The following DOCK10 variants were observed in gnomAD, a reference collection of about 807,000 sequenced individuals.
DOCK10 encodes the protein dedicator of cytokinesis 10.
Under a neutral mutation model 280.1 loss-of-function variants are expected in DOCK10, and 145 were observed. That is an observed-to-expected ratio of 0.52 (90% CI 0.45 to 0.59). The LOEUF is 0.59. DOCK10 is among the 20% of genes least tolerant of loss of function. The pLI, the probability that DOCK10 is intolerant of heterozygous loss-of-function variation, is 0.00. For missense variants in DOCK10, 2,368 were observed against 2,651.7 expected, an observed-to-expected ratio of 0.89 and a Z score of 2.35; for synonymous variants, 915 against 942.2, an observed-to-expected ratio of 0.97 and a Z score of 0.53.
intron 15 of DOCK10, 58 bp from the exon 16 acceptor site, chr2:224,855,100 C>CACAG (rs1226542430): frequency 2.5e-6 from 3 of 1,186,040 alleles, no homozygotes; most frequent in Middle Eastern, 1.9e-4. Context: ...CACACACACA[C>CACAG]AGAGTATTAT....
intron 53 of DOCK10, among the ~76,000 whole-genome samples, chr2:224,772,907 A>T (rs974765507): frequency 2.0e-5 from 3 of 152,244 alleles, no homozygotes; most frequent in Non-Finnish European, 4.4e-5. Context: ...TATCCATAGA[A>T]GATGGGATAG....
intron 30 of DOCK10, among the ~76,000 whole-genome samples, 182 bp from the exon 31 acceptor site, chr2:224,814,546 G>A (rs1559473034): frequency 6.6e-6 from 1 of 151,902 alleles, no homozygotes; most frequent in Non-Finnish European, 1.5e-5. Context: ...TTTTGAAACA[G>A]AATCTGGCTC....
intron 28 of DOCK10, among the ~76,000 whole-genome samples, chr2:224,822,478 T>C (rs1294910336): frequency 2.0e-5 from 3 of 152,200 alleles, no homozygotes; most frequent in Non-Finnish European, 4.4e-5. Flanking sequence ...CTCACACCTG[T>C]CATCCCAGCA....
intron 1 of DOCK10, among the ~76,000 whole-genome samples, chr2:224,957,050 G>A (rs1704079663): frequency 1.3e-5 from 2 of 152,082 alleles, no homozygotes; most frequent in Admixed American, 6.5e-5. Flanking sequence ...TTGACATCTT[G>A]GATCTGATCA....
intron 1 of DOCK10, among the ~76,000 whole-genome samples, chr2:224,939,506 A>G (rs1332857163): frequency 6.6e-6 from 1 of 152,242 alleles, no homozygotes; most frequent in Admixed American, 6.5e-5. Context: ...ATATCCAAGA[A>G]GATCTAAATC....
Position 224,897,316 on chromosome 2 carries a change from A to G in DOCK10, c.334-939T>C, listed in dbSNP as rs1169244288. Among the ~76,000 whole-genome samples, 3 of 152,162 alleles carry G rather than the reference A, an allele frequency of 2.0e-5. No individual in the cohort carries two copies. In the East Asian group the frequency reaches 5.8e-4, roughly 29 times the overall value. On this transcript the variant is annotated intron_variant, in intron 3 of 55. Coordinates refer to ENST00000258390, the MANE Select transcript of DOCK10 (RefSeq NM_014689.3). The stretch of plus-strand genomic sequence containing the variant: ...TGTATATATTTACAGGGTACATGAG[A>G]TGGTTTGATACAGGCATGTAATGTG...
chr2:224,875,127 G>C (rs932876524), intron 8 of DOCK10, among the ~76,000 whole-genome samples: 1 of 152,132 alleles, frequency 6.6e-6, no homozygotes, highest in Non-Finnish European at 1.5e-5. Flanking sequence ...CCACCTTCTT[G>C]CTTCAGCTAC....
chr2:224,837,898 T>C (rs1695699980), intron 24 of DOCK10, 67 bp from the exon 25 acceptor site: 1 of 1,206,798 alleles, frequency 8.3e-7, no homozygotes, highest in African/African-American at 1.5e-5. Flanking sequence ...TAGTTTGTCA[T>C]TACAGTGCTT....
intron 3 of DOCK10, among the ~76,000 whole-genome samples, chr2:224,910,651 T>G (rs758360732): frequency 2.0e-5 from 3 of 152,228 alleles, no homozygotes; most frequent in Admixed American, 6.5e-5. Context: ...CAATAAAGGT[T>G]AGCTGCTATT....
intron 53 of DOCK10, among the ~76,000 whole-genome samples, chr2:224,772,480 A>G (rs961807860): frequency 1.3e-5 from 2 of 152,104 alleles, no homozygotes; most frequent in Non-Finnish European, 1.5e-5. Context: ...AAGCCTCCCT[A>G]TCGCTAGCTG....
At chr2:224,919,775 C>T (rs35393036) in intron 2 of DOCK10, among the ~76,000 whole-genome samples, 86,564 of 151,806 alleles carry the variant, frequency 0.57, 25,424 homozygotes, top group Non-Finnish European at 0.64. Flanking sequence ...AGGAAGAATG[C>T]CATGTAGATT....
chr2:224,919,086 A>T (rs1701529102), intron 2 of DOCK10, among the ~76,000 whole-genome samples: 4 of 117,548 alleles, frequency 3.4e-5, no homozygotes, highest in African/African-American at 6.8e-5. Flanking sequence ...GTGTGTGGGG[A>T]GTGTGTGTAT....
intron 1 of DOCK10, among the ~76,000 whole-genome samples, chr2:224,998,174 A>G (rs1193195750): frequency 6.6e-6 from 1 of 152,212 alleles, no homozygotes; most frequent in Admixed American, 6.5e-5. Context: ...TAAGAGTGAG[A>G]TAAATATGAA....
chr2:224,939,332 G>A (rs1702877625), intron 1 of DOCK10, among the ~76,000 whole-genome samples: 1 of 152,140 alleles, frequency 6.6e-6, no homozygotes, highest in African/African-American at 2.4e-5. Flanking sequence ...GATGTAAGGT[G>A]CACTTTCAAA....
chr2:224,997,634 G>A (rs374357512), intron 1 of DOCK10, among the ~76,000 whole-genome samples: 188 of 152,174 alleles, frequency 1.2e-3, no homozygotes, highest in African/African-American at 4.2e-3. Context: ...CAACAAGCTC[G>A]GCTCAAATGT....
chr2:224,774,967 G>A lies in DOCK10; in HGVS notation c.5951C>T (p.Thr1984Met), dbSNP rs200573524. Reference protein sequence around the residue: ...INRFVFETPFTLSGKKHGGVA... With the variant: ...INRFVFETPFMLSGKKHGGVA... ...CCCACCGTGCTTCTTGCCCGACAGC[G>A]TGAAGGGTGTCTCGAAGACAAAGCG... The change falls in exon 52 of 56, where the codon ACG becomes ATG. Residue 1984 changes from threonine to methionine, a missense_variant. Around this residue, in one of 2 missense-constraint regions of DOCK10, gnomAD observed 1,159 missense variants for 1,400.8 expected, o/e 0.83. Transcript: ENST00000258390. The A allele has an allele frequency of 3.0e-5, 49 of 1,612,000 alleles. No homozygotes were observed. Among genetic ancestry groups the A allele is most frequent in the Non-Finnish European group, 4.1e-5 (48 of 1,179,044 alleles).
At chr2:224,809,399 G>A (rs1693614756) in intron 31 of DOCK10, among the ~76,000 whole-genome samples, 1 of 151,990 alleles carries the variant, frequency 6.6e-6, no homozygotes. Flanking sequence ...TCAACAAAAT[G>A]AAAAAGCAAA....
In DOCK10 at chr2:224,765,435, T is replaced by G; in HGVS notation, c.*286A>C. ...AATATGTGTACTAGGACTGGGGTAC[T>G]GACCATACAATAACTGACAGCAAAC... On this transcript the variant is annotated 3_prime_UTR_variant, in exon 56 of 56. Coordinates refer to ENST00000258390, the MANE Select transcript of DOCK10 (RefSeq NM_014689.3). 1 of 310,442 alleles carries G rather than the reference T, an allele frequency of 3.2e-6. No individual in the cohort carries two copies. The allele number at this position is 310,442 out of a possible 1,614,324, so 19.2% of individuals were successfully genotyped here.
intron 48 of DOCK10, 57 bp downstream of exon 48, chr2:224,789,007 C>T (rs774051613): frequency 2.0e-5 from 22 of 1,076,474 alleles, no homozygotes; most frequent in Non-Finnish European, 2.8e-5. Flanking sequence ...AGCTTAATGT[C>T]ACAAGCCAAT....
Sources: allele counts gnomAD v4.1 joint callset (sites outside exome capture counted in the v4.1 genomes callset), GRCh38; gene constraint gnomAD v4.1.1; regional missense constraint gnomAD v4.1.1; transcripts MANE v1.5; gene names NCBI Gene and HGNC (gene_info 2026-07-23, HGNC 2026-07-21).